The following MRPL45 variants were observed in gnomAD, a reference collection of about 807,000 sequenced individuals.
The protein encoded by MRPL45 is large ribosomal subunit protein mL45.
MRPL45 carries 20 observed loss-of-function variants against 38.1 expected under a neutral mutation model. That is an observed-to-expected ratio of 0.53 (90% CI 0.37 to 0.76). The LOEUF is 0.76. Ranked by LOEUF, MRPL45 falls within the 30% of genes least tolerant of loss-of-function variation. The probability of loss-of-function intolerance (pLI) is 0.00; values close to 1 mark genes in which losing one functional copy is unlikely to be tolerated. For synonymous variants in MRPL45, 105 were observed against 128.8 expected, an observed-to-expected ratio of 0.82 and a Z score of 1.25; for missense variants, 337 against 395.6, an observed-to-expected ratio of 0.85 and a Z score of 1.26.
intron 4 of MRPL45, among the ~76,000 whole-genome samples, chr17:38,310,827 T>C (rs1367736504): frequency 6.6e-6 from 1 of 152,178 alleles, no homozygotes; most frequent in Non-Finnish European, 1.5e-5. Flanking sequence ...TCTTGCTATG[T>C]TGCCCAGGCT....
intron 3 of MRPL45, among the ~76,000 whole-genome samples, chr17:38,304,583 G>A (rs952810344): frequency 5.3e-5 from 8 of 151,758 alleles, no homozygotes; most frequent in Admixed American, 2.0e-4. Flanking sequence ...TCACTCTTTC[G>A]CCCAGGCTGG....
intron 4 of MRPL45, 142 bp from the exon 5 acceptor site, chr17:38,318,545 C>A: frequency 1.9e-6 from 1 of 519,880 alleles, no homozygotes; most frequent in Non-Finnish European, 3.6e-6. Context: ...TAGAATTTAG[C>A]ATATTTTATA....
chr17:38,299,504 A>C, intron 3 of MRPL45, 36 bp downstream of exon 3: 1 of 1,547,516 alleles, frequency 6.5e-7, no homozygotes, highest in Non-Finnish European at 8.7e-7. Context: ...TGGTATTAGA[A>C]TAACAATTTT....
At chr17:38,305,115 G>A (rs1273295909) in intron 3 of MRPL45, among the ~76,000 whole-genome samples, 3 of 151,024 alleles carry the variant, frequency 2.0e-5, no homozygotes, top group Non-Finnish European at 4.4e-5. Flanking sequence ...AAAGTGCTGG[G>A]ATTACAGGCG....
chr17:38,313,293 C>A (rs1597652295), intron 4 of MRPL45, among the ~76,000 whole-genome samples: 3 of 35,024 alleles, frequency 8.6e-5, no homozygotes, highest in Non-Finnish European at 1.2e-4. Context: ...ACTTTCCTTT[C>A]TATTAAAAAA....
chr17:38,322,622 C>T lies in MRPL45; in HGVS notation c.*27C>T. ...GACAAAAATGACTTCTAGGGTGAAG[C>T]CTGGGTGATGAGGCTGCTGGAAGCT... is the stretch of plus-strand genomic sequence containing the variant. On this transcript the variant is annotated 3_prime_UTR_variant, in exon 8 of 8. Coordinates refer to ENST00000613675, the MANE Select transcript of MRPL45 (RefSeq NM_032351.6). 1 of 1,574,626 alleles carries T rather than the reference C, an allele frequency of 6.4e-7. No homozygotes were observed. Among genetic ancestry groups the T allele is most frequent in the Non-Finnish European group, 8.7e-7 (1 of 1,148,364 alleles).
chr17:38,301,699 GA>G (rs2036997481), intron 3 of MRPL45, among the ~76,000 whole-genome samples: 1 of 152,332 alleles, frequency 6.6e-6, no homozygotes, highest in African/African-American at 2.4e-5. Flanking sequence ...TGGTGATGAT[GA>G]ACAAAGCACA....
At chr17:38,316,718 G>A (rs1170542866) in intron 4 of MRPL45, among the ~76,000 whole-genome samples, 1 of 130,448 alleles carries the variant, frequency 7.7e-6, no homozygotes, top group African/African-American at 2.8e-5. Context: ...AGCCCAGGCT[G>A]GAGGGCAGTG....
rs113089636 is a variant in MRPL45, at chr17:38,313,666, CT to C, written c.462-5007del. On this transcript the variant is annotated intron_variant, in intron 4 of 7. Transcript: ENST00000613675. ...TTGTACGTCTTCTTTGAAGAAAGGT[CT>C]TTTTTTTTTTTTTGAGTTGAAGTCT... 4.2e-3 allele frequency among the ~76,000 whole-genome samples: 592 copies of C among 139,530 alleles called. 1 individual carries two copies. The highest frequency in any genetic ancestry group is 9.0e-3 in the African/African-American group (342 of 38,022). 91.5% of individuals were successfully genotyped at this position (139,530 alleles called of 152,430 possible).
chr17:38,312,347 C>T (rs117689646), intron 4 of MRPL45, among the ~76,000 whole-genome samples: 1,908 of 152,188 alleles, frequency 0.013, 19 homozygotes, highest in Non-Finnish European at 0.02. Flanking sequence ...TGCCCAGCCA[C>T]GTATGTCTCC....
intron 4 of MRPL45, among the ~76,000 whole-genome samples, chr17:38,307,035 T>A (rs929652455): frequency 3.9e-5 from 6 of 152,280 alleles, no homozygotes; most frequent in Middle Eastern, 3.4e-3. Context: ...ACTTTTATTT[T>A]TTTATTTTTT....
intron 5 of MRPL45, among the ~76,000 whole-genome samples, chr17:38,319,227 G>A (rs2037207200): frequency 6.6e-6 from 1 of 151,824 alleles, no homozygotes; most frequent in Non-Finnish European, 1.5e-5. Context: ...AGTAGAGACG[G>A]GGTTTCACTG....
intron 4 of MRPL45, among the ~76,000 whole-genome samples, chr17:38,310,689 G>A (rs996929558): frequency 3.9e-5 from 6 of 152,012 alleles, no homozygotes; most frequent in African/African-American, 1.4e-4. Flanking sequence ...ACAGTGGCTC[G>A]ATCATGGCTC....
chr17:38,302,425 T>C (rs1038741688), intron 3 of MRPL45, among the ~76,000 whole-genome samples: 1 of 145,298 alleles, frequency 6.9e-6, no homozygotes, highest in Non-Finnish European at 1.5e-5. Flanking sequence ...AGGTGGAGGT[T>C]GCAGTGAGCC....
chr17:38,301,826 G>A (rs970270977), intron 3 of MRPL45, among the ~76,000 whole-genome samples: 15 of 151,938 alleles, frequency 9.9e-5, no homozygotes, highest in African/African-American at 3.6e-4. Context: ...ATATGACAGG[G>A]AAAGATAATG....
Position 38,322,111 on chromosome 17 carries a change from C to T in MRPL45, c.661-15C>T. On this transcript the variant is annotated splice_polypyrimidine_tract_variant and intron_variant, in intron 6 of 7. Transcript: ENST00000613675. The stretch of plus-strand genomic sequence containing the variant: ...CAAAAAAACTAAGAGGCCAGATTTG[C>T]TTTTATCCTTGCAGACTCTGGCCAT... 1.2e-6 allele frequency: 2 copies of T among 1,610,932 alleles called. No homozygotes were observed. The highest frequency in any genetic ancestry group is 1.7e-6 in the Non-Finnish European group (2 of 1,177,738).
rs1436956042 is a variant in MRPL45 at position 38,322,793 on chromosome 17, C to T, written c.*198C>T. On this transcript the variant is annotated 3_prime_UTR_variant, in exon 8 of 8. Coordinates refer to ENST00000613675, the MANE Select transcript of MRPL45 (RefSeq NM_032351.6). Reference sequence around the variant, plus strand: ...GTGGCAGGTATAACATGGCCATGGACACTCTTCTTTTTTAAATTTTATGTC... The same window carrying T: ...GTGGCAGGTATAACATGGCCATGGATACTCTTCTTTTTTAAATTTTATGTC... The T allele has an allele frequency of 1.8e-6, 1 of 550,804 alleles. No individual in the cohort carries two copies. The allele number at this position is 550,804 out of a possible 1,614,324, so 34.1% of individuals were successfully genotyped here.
chr17:38,310,809 A>G (rs1278222516), intron 4 of MRPL45, among the ~76,000 whole-genome samples: 1 of 152,046 alleles, frequency 6.6e-6, no homozygotes, highest in Non-Finnish European at 1.5e-5. Context: ...TTTTTTGTAG[A>G]GACAGGGTCT....
intron 7 of MRPL45, 82 bp downstream of exon 7, chr17:38,322,381 C>A: frequency 9.1e-7 from 1 of 1,102,406 alleles, no homozygotes; most frequent in Non-Finnish European, 1.2e-6. Flanking sequence ...CACCTAGTGG[C>A]GAGAGGGGGT....
Sources: allele counts gnomAD v4.1 joint callset (sites outside exome capture counted in the v4.1 genomes callset), GRCh38; gene constraint gnomAD v4.1.1; transcripts MANE v1.5; gene names NCBI Gene and HGNC (gene_info 2026-07-23, HGNC 2026-07-21).